WWOX: variants seen among roughly 807,000 people sequenced by gnomAD.
WWOX encodes WW domain containing oxidoreductase.
In WWOX, 69 loss-of-function variants were observed where a neutral mutation model predicts 46.2. That is an observed-to-expected ratio of 1.49 (90% CI 1.23 to 1.82). The LOEUF (loss-of-function observed/expected upper bound fraction) is 1.82. WWOX is among the 40% of genes most tolerant of loss of function. The pLI is 0.00. For synonymous variants in WWOX, 359 were observed against 202.6 expected (o/e 1.77, Z -6.56); for missense variants, 919 against 542.6 (o/e 1.69, Z -6.89).
At chr16:78,913,814 C>T (rs1034867418) in intron 8 of WWOX, among the ~76,000 whole-genome samples, 1 of 151,938 alleles carries the variant, frequency 6.6e-6, no homozygotes, top group African/African-American at 2.4e-5. Flanking sequence ...GTGTGCACCA[C>T]AATGCCCAGC....
intron 8 of WWOX, among the ~76,000 whole-genome samples, chr16:78,787,238 A>G (rs142817388): frequency 8.7e-4 from 133 of 152,304 alleles, no homozygotes; most frequent in Non-Finnish European, 1.4e-3. Flanking sequence ...TACGTTCACA[A>G]TATCGTGCCA....
chr16:78,996,768 C>A (rs962037053), intron 8 of WWOX, among the ~76,000 whole-genome samples: 1 of 152,104 alleles, frequency 6.6e-6, no homozygotes, highest in Non-Finnish European at 1.5e-5. Context: ...GTTCCCTTCC[C>A]GCTTCCCACC....
rs192302373 is a variant in WWOX at position 78,663,110 on chromosome 16, T to C, written c.1056+230358T>C. Among the ~76,000 whole-genome samples the C allele has an allele frequency of 3.3e-5, 5 of 152,272 alleles. 1 individual carries two copies. In the East Asian group the frequency reaches 7.7e-4, roughly 24 times the overall value. ...TCACCACTATCTAATTTCAGAACATTTTTATCACCCCTAAAAGAAACCCTG... is the reference window on the plus strand; with the variant it reads ...TCACCACTATCTAATTTCAGAACATCTTTATCACCCCTAAAAGAAACCCTG... On this transcript the variant is annotated intron_variant, in intron 8 of 8. Coordinates refer to ENST00000566780, the MANE Select transcript of WWOX (RefSeq NM_016373.4).
intron 8 of WWOX, among the ~76,000 whole-genome samples, chr16:79,005,177 C>A (rs765307555): frequency 6.6e-6 from 1 of 152,102 alleles, no homozygotes; most frequent in Non-Finnish European, 1.5e-5. Context: ...GCTTTGAATG[C>A]AGGCCTGATG....
At chr16:78,912,120 A>C (rs910374079) in intron 8 of WWOX, among the ~76,000 whole-genome samples, 3 of 151,556 alleles carry the variant, frequency 2.0e-5, no homozygotes, top group Admixed American at 6.6e-5. Context: ...CTGAGCCTCA[A>C]CTTCCTCATG....
intron 8 of WWOX, among the ~76,000 whole-genome samples, chr16:78,614,381 G>T (rs1204086387): frequency 6.6e-6 from 1 of 152,206 alleles, no homozygotes; most frequent in Admixed American, 6.5e-5. Context: ...TATCTTCAAT[G>T]CATCATTTAT....
At chr16:78,917,154 A>G (rs371694485) in intron 8 of WWOX, among the ~76,000 whole-genome samples, 19 of 152,248 alleles carry the variant, frequency 1.2e-4, no homozygotes, top group African/African-American at 3.9e-4. Context: ...CCCACTCTCA[A>G]CCAATTTTTG....
rs79815270 is a variant in WWOX at position 78,986,612 on chromosome 16, G to A, written c.1057-224996G>A. ...CATTCCTTAATTCCAGGTCACTGGC[G>A]GACATCACTCATTCATCAGTACTCT... On this transcript the variant is annotated intron_variant, in intron 8 of 8. Coordinates refer to ENST00000566780, the MANE Select transcript of WWOX (RefSeq NM_016373.4). Among the ~76,000 whole-genome samples, 1,484 of 152,250 alleles carry A rather than the reference G, an allele frequency of 9.7e-3. 28 individuals are homozygous for A. The highest frequency in any genetic ancestry group is 0.033 in the African/African-American group (1,383 of 41,554).
intron 8 of WWOX, among the ~76,000 whole-genome samples, chr16:78,950,266 A>T (rs1265598673): frequency 6.6e-6 from 1 of 152,068 alleles, no homozygotes. Context: ...GCATGACATG[A>T]TGTGTGTGCC....
In WWOX at chr16:78,602,914, C is replaced by T. The variant is rs148722287; in HGVS notation, c.1056+170162C>T. ...GAATCTCCGCTCTGTCTTCTGCATA[C>T]ACTTTTTACTTGTCATTGCTGATTA... On this transcript the variant is annotated intron_variant, in intron 8 of 8. Transcript: ENST00000566780. 1.5e-3 allele frequency among the ~76,000 whole-genome samples: 228 copies of T among 152,256 alleles called. 4 individuals are homozygous for T. In the South Asian group the frequency reaches 0.018, roughly 12 times the overall value.
At chr16:79,144,802 A>G (rs1020558888) in intron 8 of WWOX, among the ~76,000 whole-genome samples, 1 of 152,178 alleles carries the variant, frequency 6.6e-6, no homozygotes, top group Non-Finnish European at 1.5e-5. Flanking sequence ...ACAATATGAT[A>G]TTTTGAGAGA....
chr16:78,273,542 GA>G (rs1451891303), intron 5 of WWOX, among the ~76,000 whole-genome samples: 3 of 152,212 alleles, frequency 2.0e-5, no homozygotes, highest in East Asian at 3.9e-4. Flanking sequence ...CGAATGGTCA[GA>G]TTTGCCTTTC....
At chr16:78,385,755 C>T (rs185700786) in intron 5 of WWOX, among the ~76,000 whole-genome samples, 198 of 152,302 alleles carry the variant, frequency 1.3e-3, no homozygotes, top group Middle Eastern at 6.8e-3. Context: ...ACTTAAGCAT[C>T]ACAGTCTAGA....
chr16:78,631,540 C>CT (rs35592764), intron 8 of WWOX, among the ~76,000 whole-genome samples: 2,654 of 138,910 alleles, frequency 0.019, 58 homozygotes, highest in African/African-American at 0.029. Flanking sequence ...TTAAAATATT[C>CT]TTTTTTTTTT....
chr16:78,495,223 T>G (rs1038479089), intron 8 of WWOX, among the ~76,000 whole-genome samples: 3 of 145,232 alleles, frequency 2.1e-5, no homozygotes, highest in African/African-American at 7.4e-5. Context: ...TCACTGCAAC[T>G]TTTGCCTCCT....
At chr16:79,135,759 C>T (rs985087211) in intron 8 of WWOX, among the ~76,000 whole-genome samples, 5 of 151,970 alleles carry the variant, frequency 3.3e-5, no homozygotes, top group African/African-American at 7.3e-5. Context: ...AGCTATCAGT[C>T]GTGTAAAAAA....
Position 78,478,493 on chromosome 16 carries a change from C to T in WWOX, c.1056+45741C>T, listed in dbSNP as rs2084407206. On this transcript the variant is annotated intron_variant, in intron 8 of 8. Transcript: ENST00000566780. Reference sequence around the variant, plus strand: ...ACGTATTTCCCTCCCTTCCACAAAACAGGGCCAGGTGTAACACACTAAGAA... The same window carrying T: ...ACGTATTTCCCTCCCTTCCACAAAATAGGGCCAGGTGTAACACACTAAGAA... Among the ~76,000 whole-genome samples the T allele has an allele frequency of 5.3e-5, 8 of 152,270 alleles. No homozygotes were observed. In the South Asian group the frequency reaches 1.7e-3, roughly 32 times the overall value.
intron 8 of WWOX, among the ~76,000 whole-genome samples, chr16:78,613,946 G>T (rs913725661): frequency 6.6e-6 from 1 of 152,176 alleles, no homozygotes; most frequent in Admixed American, 6.5e-5. Flanking sequence ...TGTACCTGTT[G>T]GTTTACGTAC....
At chr16:78,955,764 C>T (rs2046153297) in intron 8 of WWOX, among the ~76,000 whole-genome samples, 1 of 151,832 alleles carries the variant, frequency 6.6e-6, no homozygotes, top group African/African-American at 2.4e-5. Context: ...TCTCCTGCCT[C>T]AGCCTCCCGA....
Sources: allele counts gnomAD v4.1 joint callset (sites outside exome capture counted in the v4.1 genomes callset), GRCh38; gene constraint gnomAD v4.1.1; transcripts MANE v1.5; gene names NCBI Gene and HGNC (gene_info 2026-07-23, HGNC 2026-07-21).